Variants in APOBEC3C observed in about 807,000 individuals in gnomAD.
The protein encoded by APOBEC3C is apolipoprotein B mRNA editing enzyme catalytic subunit 3C.
APOBEC3C carries 14 observed loss-of-function variants against 20.6 expected under a neutral mutation model. The ratio of observed to expected loss-of-function variants is 0.68; its 90% CI spans 0.45 to 1.06. APOBEC3C has a LOEUF of 1.06. Ranked by LOEUF, APOBEC3C falls within the 50% of genes least tolerant of loss-of-function variation. The pLI, the probability that APOBEC3C is intolerant of heterozygous loss-of-function variation, is 0.00. For missense variants in APOBEC3C, 244 were observed against 241.9 expected (o/e 1.01, Z -0.06); for synonymous variants, 98 against 88.8 (o/e 1.10, Z -0.58).
chr22:39,014,513 C>T (rs112411268), intron 1 of APOBEC3C, 134 bp downstream of exon 1: 43 of 1,113,742 alleles, frequency 3.9e-5, no homozygotes, highest in African/African-American at 2.0e-4. Flanking sequence ...CCCCGCTGCC[C>T]CCACTCCCAG....
In APOBEC3C at chr22:39,018,819, A is replaced by T. The variant is rs923893868; in HGVS notation, c.*432A>T. 2.1e-4 allele frequency: 1 copy of T among 4,810 alleles called. No homozygotes were observed. The highest frequency in any genetic ancestry group is 5.1e-4 in the Non-Finnish European group (1 of 1,942). The allele number at this position is 4,810 out of a possible 1,614,324, so 0.3% of individuals were successfully genotyped here. A position where few individuals can be genotyped will look rare whatever the true frequency, so the allele number is the denominator to read the frequency against. On this transcript the variant is annotated 3_prime_UTR_variant, in exon 4 of 4. Coordinates refer to ENST00000361441, the MANE Select transcript of APOBEC3C (RefSeq NM_014508.3). ...TCACATGACAAAGCCCCATCTCTAC[A>T]AAAAAAAAAAAAAAAAAAAAAAAAA...
Position 39,020,009 on chromosome 22 carries a change from T to C in APOBEC3C, c.*1622T>C, listed in dbSNP as rs904861627. 1 of 152,096 alleles carries C rather than the reference T, an allele frequency of 6.6e-6. No homozygotes were observed. Among genetic ancestry groups the C allele is most frequent in the Non-Finnish European group, 1.5e-5 (1 of 68,024 alleles). The allele number at this position is 152,096 out of a possible 1,614,324, so 9.4% of individuals were successfully genotyped here. A position where few individuals can be genotyped will look rare whatever the true frequency, so the allele number is the denominator to read the frequency against. Reference sequence around the variant, plus strand: ...TGGGGTCTCACCATGTTGGCCAGACTGGTCTCGAACTCCTGACCTCAGGTG... The same window carrying C: ...TGGGGTCTCACCATGTTGGCCAGACCGGTCTCGAACTCCTGACCTCAGGTG... On this transcript the variant is annotated 3_prime_UTR_variant, in exon 4 of 4. Coordinates refer to ENST00000361441, the MANE Select transcript of APOBEC3C (RefSeq NM_014508.3).
At position 39,017,866 on chromosome 22, in the gene APOBEC3C, C is replaced by A. The variant is rs148932600; in HGVS notation, c.275C>A (p.Thr92Lys). 8 of 1,614,048 alleles carry A rather than the reference C, an allele frequency of 5.0e-6. No individual in the cohort carries two copies. The highest frequency in any genetic ancestry group is 6.8e-6 in the Non-Finnish European group (8 of 1,180,018). The change falls in exon 3 of 4, where the codon ACA becomes AAA. Residue 92 changes from threonine to lysine, a missense_variant. Physicochemically the swap from Thr to Lys is moderately conservative, Grantham distance 78 (BLOSUM62 -1). Transcript: ENST00000361441. ...PNTKYQVTWYTSWSPCPDCAG... is the reference protein window; with the variant it reads ...PNTKYQVTWYKSWSPCPDCAG... The stretch of plus-strand genomic sequence containing the variant: ...ACAAAGTACCAGGTCACCTGGTACA[C>A]ATCTTGGAGCCCTTGCCCAGACTGT...
In APOBEC3C at chr22:39,018,042, G is replaced by T. The variant is rs1193299901; in HGVS notation, c.451G>T (p.Glu151Ter). The T allele has an allele frequency of 1.9e-6, 3 of 1,614,036 alleles. No individual in the cohort carries two copies. The highest frequency in any genetic ancestry group is 2.5e-6 in the Non-Finnish European group (3 of 1,179,896). The part of the protein sequence containing the change: ...EGVAVEIMDY[E>*]DFKYCWENFV... ...GGTCGCTGTGGAGATCATGGACTATGAAGGTGAGACGTGGGGGGCTGAGGA... is the reference window on the plus strand; with the variant it reads ...GGTCGCTGTGGAGATCATGGACTATTAAGGTGAGACGTGGGGGGCTGAGGA... The change falls in exon 3 of 4, where the codon GAA becomes TAA. Residue 151 changes from glutamate (E) to a stop codon, truncating the protein, a stop_gained. Coordinates refer to ENST00000361441, the MANE Select transcript of APOBEC3C (RefSeq NM_014508.3). LOFTEE classifies it low-confidence loss of function (END_TRUNC).
Position 39,019,035 on chromosome 22 carries a change from T to C in APOBEC3C, c.*648T>C, listed in dbSNP as rs1340564100. On this transcript the variant is annotated 3_prime_UTR_variant, in exon 4 of 4. Coordinates refer to ENST00000361441, the MANE Select transcript of APOBEC3C (RefSeq NM_014508.3). Reference sequence around the variant, plus strand: ...AACTCAACCTAAACAGGTGTGAATATATGTAAGTTGAAAACCCGAAGTTTT... The same window carrying C: ...AACTCAACCTAAACAGGTGTGAATACATGTAAGTTGAAAACCCGAAGTTTT... The C allele has an allele frequency of 1.3e-5, 2 of 152,060 alleles. No individual in the cohort carries two copies. Among genetic ancestry groups the C allele is most frequent in the African/African-American group, 4.8e-5 (2 of 41,378 alleles). 9.4% of individuals were successfully genotyped at this position (152,060 alleles called of 1,614,324 possible). A position where few individuals can be genotyped will look rare whatever the true frequency, so the allele number is the denominator to read the frequency against.
At chr22:39,017,680 C>A (rs1334882348) in intron 2 of APOBEC3C, 86 bp from the exon 3 acceptor site, 23 of 1,507,954 alleles carry the variant, frequency 1.5e-5, no homozygotes, top group Non-Finnish European at 2.0e-5. Context: ...GGGCTCCAGG[C>A]CCGCCCTCTG....
At chr22:39,015,346 T>C (rs1037850692) in intron 1 of APOBEC3C, among the ~76,000 whole-genome samples, 2 of 151,414 alleles carry the variant, frequency 1.3e-5, no homozygotes, top group African/African-American at 2.4e-5. Context: ...GGGTGTTCCA[T>C]TGGTAGCCCC....
Position 39,015,732 on chromosome 22 carries a change from C to G in APOBEC3C, c.155C>G (p.Thr52Arg). 1 of 1,613,866 alleles carries G rather than the reference C, an allele frequency of 6.2e-7. No homozygotes were observed. The highest frequency in any genetic ancestry group is 1.7e-5 in the Admixed American group (1 of 59,940). ...IKRRSVVSWK[T>R]GVFRNQVDSE... ...CGCCGCTCAGTTGTCTCCTGGAAGA[C>G]GGGCGTCTTCCGAAACCAGGTAGCA... is the stretch of plus-strand genomic sequence containing the variant. The change falls in exon 2 of 4, where the codon ACG (threonine) becomes AGG (arginine). Residue 52 changes from threonine (T) to arginine (R), a missense_variant. Transcript: ENST00000361441.
At position 39,018,634 on chromosome 22, in the gene APOBEC3C, G is replaced by C; in HGVS notation, c.*247G>C. Reference sequence around the variant, plus strand: ...CCCACAGACCCCGTTCCTCCAGCCTGCGTGCCCCTAACCTGGCTTTTCCCA... The same window carrying C: ...CCCACAGACCCCGTTCCTCCAGCCTCCGTGCCCCTAACCTGGCTTTTCCCA... On this transcript the variant is annotated 3_prime_UTR_variant, in exon 4 of 4. Coordinates refer to ENST00000361441, the MANE Select transcript of APOBEC3C (RefSeq NM_014508.3). 1 of 374,244 alleles carries C rather than the reference G, an allele frequency of 2.7e-6. No individual in the cohort carries two copies. Among genetic ancestry groups the C allele is most frequent in the South Asian group, 3.8e-5 (1 of 26,520 alleles). 23.2% of individuals were successfully genotyped at this position (374,244 alleles called of 1,614,324 possible). A position where few individuals can be genotyped will look rare whatever the true frequency, so the allele number is the denominator to read the frequency against.
rs12157471 is a variant in APOBEC3C at position 39,018,695 on chromosome 22, C to T, written c.*308C>T. On this transcript the variant is annotated 3_prime_UTR_variant, in exon 4 of 4. Transcript: ENST00000361441. ...ATAACCAAATCTTACTAAACTCATC[C>T]TAGGCTGGGCATGGTGACTCACGCC... The T allele has an allele frequency of 2.9e-3, 612 of 212,112 alleles. 3 individuals are homozygous for T. The highest frequency in any genetic ancestry group is 0.013 in the African/African-American group (561 of 43,262). The allele number at this position is 212,112 out of a possible 1,614,324, so 13.1% of individuals were successfully genotyped here.
At chr22:39,017,168 G>C (rs1924812484) in intron 2 of APOBEC3C, among the ~76,000 whole-genome samples, 1 of 151,990 alleles carries the variant, frequency 6.6e-6, no homozygotes, top group African/African-American at 2.4e-5. Context: ...GGAGGCAGAG[G>C]TTGCAGTGAG....
chr22:39,014,990 TGATCA>T (rs1308284629), intron 1 of APOBEC3C, among the ~76,000 whole-genome samples: 2 of 152,064 alleles, frequency 1.3e-5, no homozygotes, highest in African/African-American at 4.8e-5. Context: ...AAAAATATGA[TGATCA>T]GGAGAAATGC....
In APOBEC3C at chr22:39,018,443, G is replaced by A. The variant is rs1453702806; in HGVS notation, c.*56G>A. On this transcript the variant is annotated 3_prime_UTR_variant, in exon 4 of 4. Transcript: ENST00000361441. ...CTCTAGCCTCCTGCTCATGCTGCACGGGCCTCCCCTCCACCCTGGACCCGC... is the reference window on the plus strand; with the variant it reads ...CTCTAGCCTCCTGCTCATGCTGCACAGGCCTCCCCTCCACCCTGGACCCGC... 12 of 1,581,314 alleles carry A rather than the reference G, an allele frequency of 7.6e-6. No homozygotes were observed. The highest frequency in any genetic ancestry group is 4.5e-5 in the East Asian group (2 of 44,578).
At chr22:39,014,667 C>A (rs549302428) in intron 1 of APOBEC3C, among the ~76,000 whole-genome samples, 26 of 152,330 alleles carry the variant, frequency 1.7e-4, no homozygotes, top group African/African-American at 6.3e-4. Context: ...TGGGAGGGTG[C>A]TTCCTCTGTG....
chr22:39,014,459 C>T (rs1924710144), intron 1 of APOBEC3C, 80 bp downstream of exon 1: 10 of 1,580,648 alleles, frequency 6.3e-6, no homozygotes, highest in Non-Finnish European at 8.7e-6. Flanking sequence ...GCCCTGGCCT[C>T]CCCCTGCCCC....
In APOBEC3C at chr22:39,019,468, A is replaced by T. The variant is rs973235891; in HGVS notation, c.*1081A>T. ...AATTACAATTCTTTCTTTGCAAATG[A>T]AATATGAAATTTAGAGGCTCTTCTA... On this transcript the variant is annotated 3_prime_UTR_variant, in exon 4 of 4. Coordinates refer to ENST00000361441, the MANE Select transcript of APOBEC3C (RefSeq NM_014508.3). 2 of 152,236 alleles carry T rather than the reference A, an allele frequency of 1.3e-5. No homozygotes were observed. The highest frequency in any genetic ancestry group is 2.9e-5 in the Non-Finnish European group (2 of 68,050). 9.4% of individuals were successfully genotyped at this position (152,236 alleles called of 1,614,324 possible).
rs773976341 is a variant in APOBEC3C at position 39,018,000 on chromosome 22, A to G, written c.409A>G (p.Ser137Gly). The G allele has an allele frequency of 5.6e-6, 9 of 1,614,160 alleles. No homozygotes were observed. The South Asian group carries it at 8.8e-5, about 16-fold the overall frequency. ...TCCATGTTACCAGGAGGGGCTCCGC[A>G]GCCTGAGTCAGGAAGGGGTCGCTGT... Reference protein sequence around the residue: ...QYPCYQEGLRSLSQEGVAVEI... With the variant: ...QYPCYQEGLRGLSQEGVAVEI... Residue 137 changes from serine to glycine, a missense_variant, in exon 3 of 4, where the codon AGC (serine) becomes GGC (glycine). Coordinates refer to ENST00000361441, the MANE Select transcript of APOBEC3C (RefSeq NM_014508.3).
chr22:39,015,562 C>T (rs757607314), intron 1 of APOBEC3C, 33 bp from the exon 2 acceptor site: 4 of 1,607,748 alleles, frequency 2.5e-6, no homozygotes, highest in South Asian at 1.1e-5. Context: ...GTGCGGGGGT[C>T]TCTGCATTGG....
chr22:39,016,385 T>TC (rs1360225483), intron 2 of APOBEC3C, among the ~76,000 whole-genome samples: 1 of 146,196 alleles, frequency 6.8e-6, no homozygotes, highest in African/African-American at 2.5e-5. Flanking sequence ...TTTTTTCTTT[T>TC]TTTTTTTTTT....
Sources: gnomAD v4.1 joint callset for allele counts (sites outside exome capture counted in the v4.1 genomes callset) on GRCh38, gnomAD v4.1.1 for gene constraint, MANE v1.5 for transcripts, NCBI Gene and HGNC (gene_info 2026-07-23, HGNC 2026-07-21) for gene names.